The following KCNU1 variants were observed in gnomAD, a reference collection of about 807,000 sequenced individuals.
The protein encoded by KCNU1 is potassium calcium-activated channel subfamily U member 1.
Under a neutral mutation model 126.8 loss-of-function variants are expected in KCNU1, and 93 were observed. The ratio of observed to expected loss-of-function variants is 0.73; its 90% CI spans 0.62 to 0.87. The LOEUF is 0.87. KCNU1 is among the 40% of genes least tolerant of loss of function. The pLI is 0.00. For synonymous variants in KCNU1, 523 were observed against 494.2 expected, an observed-to-expected ratio of 1.06 and a Z score of -0.77; for missense variants, 1,330 against 1,367.1, an observed-to-expected ratio of 0.97 and a Z score of 0.43.
intron 18 of KCNU1, 28 bp from the exon 19 acceptor site, chr8:36,864,376 A>G (rs761897622): frequency 1.2e-5 from 16 of 1,309,512 alleles, no homozygotes; most frequent in South Asian, 3.5e-5. Context: ...AGATGTGCCA[A>G]CTCACTGAGA....
chr8:36,868,116 G>A (rs1170187497), intron 19 of KCNU1, among the ~76,000 whole-genome samples: 2 of 152,158 alleles, frequency 1.3e-5, no homozygotes, highest in African/African-American at 4.8e-5. Context: ...TGTTCCATTT[G>A]AGGGTGAGTC....
intron 2 of KCNU1, among the ~76,000 whole-genome samples, chr8:36,793,021 G>A (rs1802958480): frequency 1.3e-5 from 2 of 152,038 alleles, no homozygotes. Flanking sequence ...ATACTATGCA[G>A]CCATAAAAAA....
chr8:36,788,053 T>C (rs1192488684), intron 2 of KCNU1, among the ~76,000 whole-genome samples: 1 of 152,094 alleles, frequency 6.6e-6, no homozygotes, highest in Non-Finnish European at 1.5e-5. Context: ...ACCTGAAATG[T>C]ATAGCTAGTT....
intron 18 of KCNU1, among the ~76,000 whole-genome samples, chr8:36,860,158 G>T (rs1585473698): frequency 6.6e-6 from 1 of 152,042 alleles, no homozygotes; most frequent in Non-Finnish European, 1.5e-5. Context: ...GCTCACTGCA[G>T]TCTCCGCCTT....
chr8:36,860,795 G>A (rs1451823819), intron 18 of KCNU1, among the ~76,000 whole-genome samples: 2 of 152,146 alleles, frequency 1.3e-5, no homozygotes, highest in East Asian at 3.9e-4. Flanking sequence ...AAATTGGAAA[G>A]AGGGTGCAAA....
intron 18 of KCNU1, among the ~76,000 whole-genome samples, chr8:36,855,938 G>T (rs1805512784): frequency 6.6e-6 from 1 of 151,936 alleles, no homozygotes; most frequent in African/African-American, 2.4e-5. Flanking sequence ...TTCTCGTGCT[G>T]GTTTCAAGAT....
At chr8:36,835,359 T>C (rs943001835) in intron 12 of KCNU1, among the ~76,000 whole-genome samples, 2 of 151,954 alleles carry the variant, frequency 1.3e-5, no homozygotes, top group Non-Finnish European at 2.9e-5. Flanking sequence ...TTTTTTTTTT[T>C]TTGAGACGGA....
Position 36,806,124 on chromosome 8 carries a change from A to G in KCNU1, c.469-145A>G, listed in dbSNP as rs2130420305. 2.1e-5 allele frequency: 11 copies of G among 525,942 alleles called. No individual in the cohort carries two copies. The South Asian group carries it at 3.1e-4, about 15-fold the overall frequency. 32.6% of individuals were successfully genotyped at this position (525,942 alleles called of 1,614,324 possible). On this transcript the variant is annotated intron_variant, in intron 4 of 26. Coordinates refer to ENST00000399881, the MANE Select transcript of KCNU1 (RefSeq NM_001031836.3). The stretch of plus-strand genomic sequence containing the variant: ...CTCCCAAAGCATCCACATAGCATAT[A>G]AATATATGTGTCTGTGTATATGTAA...
intron 19 of KCNU1, among the ~76,000 whole-genome samples, chr8:36,898,444 G>A (rs1256686788): frequency 1.3e-5 from 2 of 151,878 alleles, no homozygotes; most frequent in South Asian, 2.1e-4. Context: ...AAGCATTTAT[G>A]TCATGTTGAA....
rs926787127 is a variant in KCNU1, at chr8:36,808,907, G to T, written c.732+114G>T. The T allele has an allele frequency of 1.6e-5, 11 of 689,676 alleles. No individual in the cohort carries two copies. The Admixed American group carries it at 2.7e-4, about 17-fold the overall frequency. The allele number at this position is 689,676 out of a possible 1,614,324, so 42.7% of individuals were successfully genotyped here. On this transcript the variant is annotated intron_variant, in intron 7 of 26. Transcript: ENST00000399881. Reference sequence around the variant, plus strand: ...CTCCATCACTGTAAGCCAGTTGGAGGTGTGTCTTTCTACTTCCCATTTTCA... The same window carrying T: ...CTCCATCACTGTAAGCCAGTTGGAGTTGTGTCTTTCTACTTCCCATTTTCA...
At chr8:36,883,164 C>T (rs1483493654) in intron 19 of KCNU1, among the ~76,000 whole-genome samples, 1 of 152,120 alleles carries the variant, frequency 6.6e-6, no homozygotes, top group Non-Finnish European at 1.5e-5. Flanking sequence ...CTTTTCTTTC[C>T]TCTGGACATT....
chr8:36,808,714 C>T lies in KCNU1; in HGVS notation c.657-4C>T. The T allele has an allele frequency of 7.5e-6, 12 of 1,595,184 alleles. No homozygotes were observed. Among genetic ancestry groups the T allele is most frequent in the Non-Finnish European group, 1.0e-5 (12 of 1,165,084 alleles). Reference sequence around the variant, plus strand: ...CCAACAGCTCTTTGTCTCTCTTCCTCTAGTAACTCAGTGAAGTTTTCCAAA... The same window carrying T: ...CCAACAGCTCTTTGTCTCTCTTCCTTTAGTAACTCAGTGAAGTTTTCCAAA... On this transcript the variant is annotated splice_region_variant and splice_polypyrimidine_tract_variant and intron_variant, in intron 6 of 26. Coordinates refer to ENST00000399881, the MANE Select transcript of KCNU1 (RefSeq NM_001031836.3).
chr8:36,930,963 T>C lies in KCNU1; in HGVS notation c.2749T>C (p.Tyr917His). The C allele has an allele frequency of 6.2e-7, 1 of 1,605,438 alleles. No homozygotes were observed. Among genetic ancestry groups the C allele is most frequent in the Non-Finnish European group, 8.5e-7 (1 of 1,175,802 alleles). ...DSLLATAFYN[Y>H]HVLELLQMLV... ...CCTTGTTTTCCAGGCCTTCTACAAT[T>C]ATCATGTCCTGGAATTGCTTCAGAT... is the stretch of plus-strand genomic sequence containing the variant. The change falls in exon 25 of 27, where the codon TAT (tyrosine) becomes CAT (histidine). Residue 917 changes from tyrosine to histidine, a missense_variant. Physicochemically the swap from Tyr to His is moderately conservative, Grantham distance 83 (BLOSUM62 2). Transcript: ENST00000399881.
chr8:36,934,640 C>T (rs1808801067), intron 26 of KCNU1, among the ~76,000 whole-genome samples: 1 of 152,092 alleles, frequency 6.6e-6, no homozygotes. Flanking sequence ...ATTGAGGCTA[C>T]AGAGGACTCA....
At chr8:36,861,819 G>T (rs1360064273) in intron 18 of KCNU1, among the ~76,000 whole-genome samples, 1 of 152,142 alleles carries the variant, frequency 6.6e-6, no homozygotes, top group Non-Finnish European at 1.5e-5. Context: ...CACATATGAG[G>T]CATTTCTTAA....
Position 36,787,539 on chromosome 8 carries a change from T to C in KCNU1, c.315+114T>C, listed in dbSNP as rs368186829. On this transcript the variant is annotated intron_variant, in intron 2 of 26. Coordinates refer to ENST00000399881, the MANE Select transcript of KCNU1 (RefSeq NM_001031836.3). Reference sequence around the variant, plus strand: ...ACAACTGACGTTCCTTTGGTCGTCTTATCTATAATATCACCACCTCCCCAT... The same window carrying C: ...ACAACTGACGTTCCTTTGGTCGTCTCATCTATAATATCACCACCTCCCCAT... 3.8e-5 allele frequency: 35 copies of C among 929,692 alleles called. 1 individual carries two copies. The African/African-American group carries it at 5.1e-4, about 13-fold the overall frequency. 57.6% of individuals were successfully genotyped at this position (929,692 alleles called of 1,614,324 possible).
intron 18 of KCNU1, among the ~76,000 whole-genome samples, chr8:36,863,325 C>A (rs1310714338): frequency 1.3e-5 from 2 of 152,114 alleles, no homozygotes; most frequent in Admixed American, 6.5e-5. Context: ...CTAGTCCAAG[C>A]ACAGAAATAA....
In KCNU1 at chr8:36,911,108, C is replaced by G. The variant is rs1452371921; in HGVS notation, c.2510C>G (p.Pro837Arg). 1 of 1,612,304 alleles carries G rather than the reference C, an allele frequency of 6.2e-7. No homozygotes were observed. The highest frequency in any genetic ancestry group is 2.2e-5 in the East Asian group (1 of 44,758). ...LQIDSSSDPSPSVSEETPGYT... is the reference protein window; with the variant it reads ...LQIDSSSDPSRSVSEETPGYT... Reference sequence around the variant, plus strand: ...ATTGACTCCTCCTCTGACCCGTCACCCTCAGTGTCAGGTGAGAACAGCACC... The same window carrying G: ...ATTGACTCCTCCTCTGACCCGTCACGCTCAGTGTCAGGTGAGAACAGCACC... The change falls in exon 22 of 27, where the codon CCC becomes CGC. Residue 837 changes from proline (P) to arginine (R), a missense_variant. By Grantham distance (103) the Pro-to-Arg change is moderately radical. This residue lies in a region of KCNU1 where 1,054 missense variants were observed against 1,053.9 expected (regional missense o/e 1.00). Coordinates refer to ENST00000399881, the MANE Select transcript of KCNU1 (RefSeq NM_001031836.3).
chr8:36,898,900 G>A lies in KCNU1; in HGVS notation c.2010-6808G>A, dbSNP rs577466340. Among the ~76,000 whole-genome samples the A allele has an allele frequency of 1.5e-3, 221 of 152,138 alleles. 2 individuals carry two copies. Among genetic ancestry groups the A allele is most frequent in the African/African-American group, 5.2e-3 (214 of 41,536 alleles). On this transcript the variant is annotated intron_variant, in intron 19 of 26. Coordinates refer to ENST00000399881, the MANE Select transcript of KCNU1 (RefSeq NM_001031836.3). ...GCCCTGAGCTGAGGGCACAGACTCT[G>A]ACTTTTATTAAAGGTACCTGCTGCT...
Sources: gnomAD v4.1 joint callset for allele counts (sites outside exome capture counted in the v4.1 genomes callset) on GRCh38, gnomAD v4.1.1 for gene constraint, gnomAD v4.1.1 regional missense constraint, MANE v1.5 for transcripts, NCBI Gene and HGNC (gene_info 2026-07-23, HGNC 2026-07-21) for gene names.